ZFAT: variants seen among roughly 807,000 people sequenced by gnomAD.
ZFAT encodes zinc finger and AT-hook domain containing, also known as zinc finger protein ZFAT.
In ZFAT, 64 loss-of-function variants were observed where a neutral mutation model predicts 117.7. That is an observed-to-expected ratio of 0.54 (90% CI 0.44 to 0.67). ZFAT has a LOEUF of 0.67. Ranked by LOEUF, ZFAT falls within the 30% of genes least tolerant of loss-of-function variation. The pLI is 0.00. For missense variants in ZFAT, 1,433 were observed against 1,584.5 expected (o/e 0.90, Z 1.62); for synonymous variants, 679 against 615.0 (o/e 1.10, Z -1.54).
At chr8:134,777,901 C>T in the ZFAT span, among the ~76,000 whole-genome samples, 1 of 152,066 alleles carries the variant, frequency 6.6e-6, no homozygotes, top group South Asian at 2.1e-4. Context: ...CAGTTCATTC[C>T]ATTCCACATT....
At chr8:134,803,150 T>C in the ZFAT span, among the ~76,000 whole-genome samples, 2 of 152,226 alleles carry the variant, frequency 1.3e-5, no homozygotes, top group Non-Finnish European at 2.9e-5. Context: ...ACAGCTTTAT[T>C]ATAAAGAATG....
At chr8:134,512,787 G>A (rs999567070) in intron 13 of ZFAT, among the ~76,000 whole-genome samples, 186 bp from the exon 14 acceptor site, 5 of 152,238 alleles carry the variant, frequency 3.3e-5, no homozygotes, top group Admixed American at 2.6e-4. Flanking sequence ...ATTTCTCTGT[G>A]AGGATCAAGA....
intron 3 of ZFAT, among the ~76,000 whole-genome samples, chr8:134,632,581 A>T (rs979970911): frequency 6.6e-6 from 1 of 152,050 alleles, no homozygotes; most frequent in African/African-American, 2.4e-5. Context: ...AAACAGAAGC[A>T]TTTTTTTTAA....
chr8:134,669,541 C>G (rs1362063984), intron 1 of ZFAT, among the ~76,000 whole-genome samples: 2 of 152,192 alleles, frequency 1.3e-5, no homozygotes. Context: ...CCTTTACAGA[C>G]AAGCAAATGC....
intron 15 of ZFAT, among the ~76,000 whole-genome samples, chr8:134,493,041 C>T (rs531136481): frequency 1.3e-5 from 2 of 152,326 alleles, no homozygotes; most frequent in African/African-American, 4.8e-5. Flanking sequence ...TATAATGCTG[C>T]CTCTCCACCC....
chr8:134,714,140 G>T (rs1814158025), upstream of ZFAT, among the ~76,000 whole-genome samples: 2 of 114,716 alleles, frequency 1.7e-5, no homozygotes, highest in East Asian at 2.8e-4. Flanking sequence ...AAGTGTAAAA[G>T]CAGACTTCAG....
chr8:134,502,154 A>G (rs544238552), intron 15 of ZFAT, among the ~76,000 whole-genome samples: 15 of 152,230 alleles, frequency 9.9e-5, no homozygotes, highest in Non-Finnish European at 1.9e-4. Flanking sequence ...CAAGTCTTAT[A>G]AAATGTTCAA....
In ZFAT at chr8:134,570,399, T is replaced by C. The variant is rs149453726; in HGVS notation, c.2888-4978A>G. ...AGATGTACTCATATTTCCATTGTAA[T>C]ATACCACACACTTTGCTGATTTATA... On this transcript the variant is annotated intron_variant, in intron 10 of 15. Transcript: ENST00000377838. Among the ~76,000 whole-genome samples the C allele has an allele frequency of 2.5e-3, 380 of 152,364 alleles. 2 individuals are homozygous for C. The highest frequency in any genetic ancestry group is 4.2e-3 in the Non-Finnish European group (283 of 68,040).
chr8:134,512,477 C>T lies in ZFAT; in HGVS notation c.3359G>A (p.Ser1120Asn), dbSNP rs889595804. The T allele has an allele frequency of 4.3e-6, 7 of 1,613,674 alleles. No homozygotes were observed. The highest frequency in any genetic ancestry group is 5.9e-6 in the Non-Finnish European group (7 of 1,179,812). Reference protein sequence around the residue: ...ALQDLRYTSESGDRLDPTAVN... With the variant: ...ALQDLRYTSENGDRLDPTAVN... The stretch of plus-strand genomic sequence containing the variant: ...AAAGGAAGACCAGGCGTCCTCACCA[C>T]TCTCAGAGGTGTATCTCAGGTCCTG... The change falls in exon 14 of 16, where the codon AGT (serine) becomes AAT (asparagine). Residue 1120 changes from serine to asparagine, a missense_variant and splice_region_variant. Physicochemically the swap from Ser to Asn is conservative, Grantham distance 46 (BLOSUM62 1). Around this residue, in one of 5 missense-constraint regions of ZFAT, gnomAD observed 503 missense variants for 543.4 expected, o/e 0.93. Transcript: ENST00000377838.
intron 15 of ZFAT, among the ~76,000 whole-genome samples, chr8:134,485,276 A>T (rs903253264): frequency 6.6e-6 from 1 of 152,144 alleles, no homozygotes; most frequent in Non-Finnish European, 1.5e-5. Flanking sequence ...CAGCCAGGCC[A>T]CTGTGCACAG....
the ZFAT span, among the ~76,000 whole-genome samples, chr8:134,730,587 G>C: frequency 6.6e-6 from 1 of 152,222 alleles, no homozygotes; most frequent in African/African-American, 2.4e-5. Flanking sequence ...CAGGTGGCCA[G>C]TAGACATTAA....
chr8:134,750,906 T>C, the ZFAT span, among the ~76,000 whole-genome samples: 1 of 152,242 alleles, frequency 6.6e-6, no homozygotes, highest in Non-Finnish European at 1.5e-5. Flanking sequence ...TTTATCAAAT[T>C]AAAGGAGTTT....
At chr8:134,755,123 G>A in the ZFAT span, among the ~76,000 whole-genome samples, 1 of 152,076 alleles carries the variant, frequency 6.6e-6, no homozygotes, top group Non-Finnish European at 1.5e-5. Flanking sequence ...GCTTTTGGGG[G>A]CTGGGCGTGG....
chr8:134,692,241 A>T (rs1833620788), intron 1 of ZFAT, among the ~76,000 whole-genome samples: 1 of 152,250 alleles, frequency 6.6e-6, no homozygotes, highest in South Asian at 2.1e-4. Flanking sequence ...AATCCCCAGC[A>T]GAGGAGAAAA....
chr8:134,600,826 C>T (rs1242142894), intron 6 of ZFAT, 158 bp from the exon 7 acceptor site: 6 of 653,966 alleles, frequency 9.2e-6, no homozygotes, highest in Non-Finnish European at 1.5e-5. Context: ...CTGAAAATTA[C>T]TCTTCAAAGG....
At chr8:134,760,301 A>C in the ZFAT span, among the ~76,000 whole-genome samples, 1,084 of 151,746 alleles carry the variant, frequency 7.1e-3, 13 homozygotes, top group African/African-American at 0.025. Context: ...AACAAAAAAC[A>C]AACAAACAAA....
At chr8:134,619,464 C>G (rs529422851) in intron 3 of ZFAT, among the ~76,000 whole-genome samples, 1 of 152,120 alleles carries the variant, frequency 6.6e-6, no homozygotes, top group African/African-American at 2.4e-5. Flanking sequence ...CTCACAAACA[C>G]ATCTCACACA....
chr8:134,494,640 A>G (rs965552227), intron 15 of ZFAT, among the ~76,000 whole-genome samples: 1 of 152,216 alleles, frequency 6.6e-6, no homozygotes, highest in Non-Finnish European at 1.5e-5. Flanking sequence ...GGCAGGACCC[A>G]GGTCGTATTC....
intron 2 of ZFAT, among the ~76,000 whole-genome samples, chr8:134,656,925 G>A (rs142034062): frequency 6.6e-6 from 1 of 152,328 alleles, no homozygotes; most frequent in East Asian, 1.9e-4. Context: ...CAGATGTCCA[G>A]ACACTACAGA....
Sources: gnomAD v4.1 joint callset for allele counts (sites outside exome capture counted in the v4.1 genomes callset) on GRCh38, gnomAD v4.1.1 for gene constraint, gnomAD v4.1.1 regional missense constraint, MANE v1.5 for transcripts, NCBI Gene and HGNC (gene_info 2026-07-23, HGNC 2026-07-21) for gene names.